The following NETO1 variants were observed in gnomAD, a reference collection of about 807,000 sequenced individuals.
NETO1 encodes the protein neuropilin and tolloid-like protein 1.
Under a neutral mutation model 61.3 loss-of-function variants are expected in NETO1, and 26 were observed. That is an observed-to-expected ratio of 0.42 (90% confidence interval 0.31 to 0.59). NETO1 has a LOEUF of 0.59. Ranked by LOEUF, NETO1 falls within the 20% of genes least tolerant of loss-of-function variation. The probability of loss-of-function intolerance (pLI) is 0.12; values close to 1 mark genes in which losing one functional copy is unlikely to be tolerated. For synonymous variants in NETO1, 225 were observed against 225.8 expected, an observed-to-expected ratio of 1.00 and a Z score of 0.03; for missense variants, 531 against 662.8, an observed-to-expected ratio of 0.80 and a Z score of 2.18.
chr18:72,779,062 G>A (rs1374557062), intron 7 of NETO1, among the ~76,000 whole-genome samples: 1 of 152,096 alleles, frequency 6.6e-6, no homozygotes, highest in Non-Finnish European at 1.5e-5. Flanking sequence ...CCACTGAACT[G>A]GGGATACTAT....
intron 7 of NETO1, among the ~76,000 whole-genome samples, chr18:72,763,112 C>A (rs2000727): frequency 0.3 from 45,499 of 151,184 alleles, 7,963 homozygotes; most frequent in South Asian, 0.41. Flanking sequence ...GAATCCACTA[C>A]GCTTATTCTA....
At chr18:72,791,759 T>A (rs927737240) in intron 6 of NETO1, among the ~76,000 whole-genome samples, 17 of 152,188 alleles carry the variant, frequency 1.1e-4, no homozygotes, top group African/African-American at 4.1e-4. Flanking sequence ...AAAAAGTCTT[T>A]AAAAATCTTT....
intron 10 of NETO1, 113 bp downstream of exon 10, chr18:72,748,901 C>T: frequency 1.4e-6 from 1 of 736,848 alleles, no homozygotes; most frequent in Admixed American, 2.2e-5. Flanking sequence ...TGTCATGAAA[C>T]ACATATCTCA....
intron 7 of NETO1, among the ~76,000 whole-genome samples, chr18:72,769,915 C>T (rs28618086): frequency 6.6e-6 from 1 of 152,112 alleles, no homozygotes; most frequent in African/African-American, 2.4e-5. Flanking sequence ...AGTATATATT[C>T]CTAGAGGTAG....
chr18:72,825,842 C>A (rs2073355223), intron 4 of NETO1, among the ~76,000 whole-genome samples: 2 of 152,042 alleles, frequency 1.3e-5, no homozygotes, highest in Admixed American at 1.3e-4. Flanking sequence ...TTTTAAAAAT[C>A]TTTTCATTGA....
At position 72,783,619 on chromosome 18, in the gene NETO1, T is replaced by C; in HGVS notation, c.868+59A>G. ...TGAAGAAAACACCATTAACAGCTTATGAAACTGGCATCATATGGCATATAC... is the reference window on the plus strand; with the variant it reads ...TGAAGAAAACACCATTAACAGCTTACGAAACTGGCATCATATGGCATATAC... On this transcript the variant is annotated intron_variant, in intron 7 of 10. Coordinates refer to ENST00000327305, the MANE Select transcript of NETO1 (RefSeq NM_138966.5). 5.7e-6 allele frequency: 8 copies of C among 1,414,518 alleles called. 1 individual carries two copies. In the South Asian group the frequency reaches 8.1e-5, roughly 14 times the overall value. 87.6% of individuals were successfully genotyped at this position (1,414,518 alleles called of 1,614,324 possible).
At chr18:72,845,412 T>C (rs1363445372) in intron 4 of NETO1, among the ~76,000 whole-genome samples, 1 of 152,230 alleles carries the variant, frequency 6.6e-6, no homozygotes, top group East Asian at 1.9e-4. Context: ...GCAACTATTG[T>C]ATATATAACA....
intron 4 of NETO1, among the ~76,000 whole-genome samples, chr18:72,832,169 T>G (rs1043204365): frequency 1.3e-5 from 2 of 152,194 alleles, no homozygotes; most frequent in African/African-American, 4.8e-5. Context: ...TTCTTGCTAA[T>G]TCTCCAATTT....
In NETO1 at chr18:72,864,841, G is replaced by T; in HGVS notation, c.187C>A (p.Pro63Thr). Residue 63 changes from proline (P) to threonine (T), a missense_variant, in exon 3 of 11, where the codon CCC becomes ACC. Pro to Thr is a conservative substitution (Grantham distance 38). Coordinates refer to ENST00000327305, the MANE Select transcript of NETO1 (RefSeq NM_138966.5). ...ATGTAGATGCATTCCCGGTCAGGGG[G>T]ATACTTGCTGGGATAGTTGGGAGAG... ...FTSPNYPSKY[P>T]PDRECIYIIE... 6.2e-7 allele frequency: 1 copy of T among 1,613,986 alleles called. No homozygotes were observed. Among genetic ancestry groups the T allele is most frequent in the Non-Finnish European group, 8.5e-7 (1 of 1,179,990 alleles).
Position 72,746,477 on chromosome 18 carries a change from A to C in NETO1, c.*1702T>G, listed in dbSNP as rs1426785664. Among the ~76,000 whole-genome samples, 1 of 152,142 alleles carries C rather than the reference A, an allele frequency of 6.6e-6. No homozygotes were observed. Among genetic ancestry groups the C allele is most frequent in the Non-Finnish European group, 1.5e-5 (1 of 67,986 alleles). On this transcript the variant is annotated 3_prime_UTR_variant, in exon 11 of 11. Coordinates refer to ENST00000327305, the MANE Select transcript of NETO1 (RefSeq NM_138966.5). ...CCTTTTCTGATTCCCTAGTTTATCA[A>C]ATTCATTGAAGTGATTCTGTAGCTT...
intron 3 of NETO1, among the ~76,000 whole-genome samples, chr18:72,863,245 C>T (rs763658014): frequency 6.6e-6 from 1 of 152,160 alleles, no homozygotes; most frequent in African/African-American, 2.4e-5. Flanking sequence ...GGATGCGCCA[C>T]GAAGGTCCCC....
At chr18:72,774,477 G>A (rs8083234) in intron 7 of NETO1, among the ~76,000 whole-genome samples, 45,677 of 151,886 alleles carry the variant, frequency 0.3, 8,029 homozygotes, top group South Asian at 0.48. Flanking sequence ...ATTCTTTAGA[G>A]TCAATAAATT....
intron 4 of NETO1, among the ~76,000 whole-genome samples, chr18:72,838,446 T>G (rs1282873836): frequency 2.0e-5 from 3 of 152,314 alleles, no homozygotes; most frequent in Non-Finnish European, 2.9e-5. Flanking sequence ...TTCAAGATGG[T>G]TTCAGCAGTG....
chr18:72,752,133 T>C (rs1379717333), intron 8 of NETO1: 1 of 152,122 alleles, frequency 6.6e-6, no homozygotes, highest in Admixed American at 6.5e-5. Flanking sequence ...TTAGAACATC[T>C]AGAAGTTTAA....
chr18:72,780,532 G>C (rs1253534045), intron 7 of NETO1, among the ~76,000 whole-genome samples: 1 of 151,952 alleles, frequency 6.6e-6, no homozygotes, highest in Admixed American at 6.6e-5. Context: ...GATGTTAGCC[G>C]GTCTTTTCAC....
intron 4 of NETO1, among the ~76,000 whole-genome samples, chr18:72,821,345 C>G (rs1003294949): frequency 3.3e-5 from 5 of 150,608 alleles, no homozygotes; most frequent in African/African-American, 1.2e-4. Flanking sequence ...GAGTTCGAGA[C>G]CAGCCTGACC....
chr18:72,801,431 G>A lies in NETO1; in HGVS notation c.470-7027C>T, dbSNP rs934527883. ...CATTCTCATTTTCTCAAAAATATAC[G>A]GAAGAGTTTTCCAGATATTACATGA... On this transcript the variant is annotated intron_variant, in intron 4 of 10. Transcript: ENST00000327305. 2.6e-5 allele frequency among the ~76,000 whole-genome samples: 4 copies of A among 152,056 alleles called. No individual in the cohort carries two copies. The East Asian group carries it at 5.8e-4, about 22-fold the overall frequency.
intron 6 of NETO1, among the ~76,000 whole-genome samples, chr18:72,789,220 A>G (rs899325448): frequency 3.0e-4 from 42 of 138,208 alleles, no homozygotes; most frequent in Non-Finnish European, 5.7e-4. Context: ...GCACACACAC[A>G]CACACACACA....
chr18:72,837,628 A>T (rs1272176964), intron 4 of NETO1, among the ~76,000 whole-genome samples: 2 of 152,334 alleles, frequency 1.3e-5, no homozygotes, highest in East Asian at 1.9e-4. Context: ...TAATATAGGA[A>T]TATAGTTATA....
Sources: allele counts gnomAD v4.1 joint callset (sites outside exome capture counted in the v4.1 genomes callset), GRCh38; gene constraint gnomAD v4.1.1; transcripts MANE v1.5; gene names NCBI Gene and HGNC (gene_info 2026-07-23, HGNC 2026-07-21).